Variants in SLC2A12 observed in about 807,000 individuals in gnomAD.
The protein encoded by SLC2A12 is solute carrier family 2 member 12, also known as solute carrier family 2, facilitated glucose transporter member 12.
Under a neutral mutation model 41.8 loss-of-function variants are expected in SLC2A12, and 23 were observed. The observed-to-expected ratio is 0.55, with a 90% confidence interval of 0.40 to 0.78. The LOEUF (loss-of-function observed/expected upper bound fraction) is 0.78. SLC2A12 is among the 30% of genes least tolerant of loss of function. SLC2A12 has a pLI of 0.00. For synonymous variants in SLC2A12, 295 were observed against 285.9 expected (o/e 1.03, Z -0.32); for missense variants, 654 against 745.6 (o/e 0.88, Z 1.43).
intron 1 of SLC2A12, among the ~76,000 whole-genome samples, chr6:134,043,074 C>T (rs1219633266): frequency 6.6e-6 from 1 of 152,042 alleles, no homozygotes; most frequent in Non-Finnish European, 1.5e-5. Context: ...CAGGATGGGC[C>T]TACCTAATAT....
Position 134,006,936 on chromosome 6 carries a change from T to C in SLC2A12, c.1445-2A>G, listed in dbSNP as rs368766723. The C allele has an allele frequency of 1.2e-6, 2 of 1,613,802 alleles. No homozygotes were observed. The highest frequency in any genetic ancestry group is 2.7e-5 in the African/African-American group (2 of 74,916). On this transcript the variant is annotated splice_acceptor_variant, in intron 2 of 4. Transcript: ENST00000275230. LOFTEE classifies it high-confidence loss of function. ...TCTCGCTGAGCACCAGCCAGGGCACTAGAAGAAAGGCAAGAGTGGGTGGCG... is the reference window on the plus strand; with the variant it reads ...TCTCGCTGAGCACCAGCCAGGGCACCAGAAGAAAGGCAAGAGTGGGTGGCG...
chr6:134,022,551 AAG>A (rs980091010), intron 2 of SLC2A12, among the ~76,000 whole-genome samples: 31 of 52,906 alleles, frequency 5.9e-4, no homozygotes, highest in Non-Finnish European at 9.4e-4. Context: ...AAGAAAAGAA[AAG>A]AAAAGAAAAG....
intron 1 of SLC2A12, among the ~76,000 whole-genome samples, chr6:134,037,536 G>C (rs894322225): frequency 6.6e-6 from 1 of 151,910 alleles, no homozygotes; most frequent in African/African-American, 2.4e-5. Flanking sequence ...TGTATTTTTA[G>C]TAGAGACGGG....
chr6:134,012,790 A>C (rs1776904983), intron 2 of SLC2A12, among the ~76,000 whole-genome samples: 1 of 152,092 alleles, frequency 6.6e-6, no homozygotes, highest in South Asian at 2.1e-4. Context: ...CAACATAACT[A>C]GGCTCTGTCT....
chr6:134,012,790 A>G (rs1776904983), intron 2 of SLC2A12, among the ~76,000 whole-genome samples: 2 of 152,092 alleles, frequency 1.3e-5, no homozygotes, highest in Non-Finnish European at 2.9e-5. Context: ...CAACATAACT[A>G]GGCTCTGTCT....
Position 133,990,644 on chromosome 6 carries a change from C to G in SLC2A12, c.*511G>C, listed in dbSNP as rs895222306. On this transcript the variant is annotated 3_prime_UTR_variant, in exon 5 of 5. Transcript: ENST00000275230. ...TACCACTAAAATCCTAGCCAGGACC[C>G]TCTCCTAATCTAGATAGAATATATG... The G allele has an allele frequency of 6.6e-6, 1 of 152,262 alleles. No individual in the cohort carries two copies. Among genetic ancestry groups the G allele is most frequent in the African/African-American group, 2.4e-5 (1 of 41,438 alleles). The allele number at this position is 152,262 out of a possible 1,614,324, so 9.4% of individuals were successfully genotyped here. A position where few individuals can be genotyped will look rare whatever the true frequency, so the allele number is the denominator to read the frequency against.
At chr6:134,038,882 T>G (rs1282645420) in intron 1 of SLC2A12, among the ~76,000 whole-genome samples, 1 of 151,706 alleles carries the variant, frequency 6.6e-6, no homozygotes, top group Non-Finnish European at 1.5e-5. Context: ...TTTTTATACT[T>G]TTAGTAGAGA....
At chr6:134,024,866 T>G (rs998535028) in intron 2 of SLC2A12, among the ~76,000 whole-genome samples, 2 of 152,230 alleles carry the variant, frequency 1.3e-5, no homozygotes, top group Non-Finnish European at 2.9e-5. Context: ...AGAAAGAAAC[T>G]TCTAATTTGT....
At chr6:134,035,733 C>G (rs1490021012) in intron 1 of SLC2A12, among the ~76,000 whole-genome samples, 1 of 152,208 alleles carries the variant, frequency 6.6e-6, no homozygotes, top group Non-Finnish European at 1.5e-5. Flanking sequence ...CTCCACACTG[C>G]GTTGCTAGAA....
chr6:134,050,921 TTTATTA>T lies in SLC2A12; in HGVS notation c.103+1451_103+1456del, dbSNP rs368163308. 8.2e-4 allele frequency among the ~76,000 whole-genome samples: 124 copies of T among 151,602 alleles called. 5 individuals carry two copies. The South Asian group carries it at 0.025, about 31-fold the overall frequency. ...ATTGAAAGATGACCCCAGATATTCT[TTTATTA>T]TTATTATTATTATTATGTTAGACAG... is the stretch of plus-strand genomic sequence containing the variant. On this transcript the variant is annotated intron_variant, in intron 1 of 4. Transcript: ENST00000275230.
At position 134,022,141 on chromosome 6, in the gene SLC2A12, C is replaced by G. The variant is rs116619180; in HGVS notation, c.1444+6240G>C. Among the ~76,000 whole-genome samples the G allele has an allele frequency of 3.2e-3, 480 of 151,918 alleles. 3 individuals carry two copies. The highest frequency in any genetic ancestry group is 0.011 in the African/African-American group (461 of 41,428). ...TCTTGAAAAACCAGAGGTTTTGCCT[C>G]AAACATAGGTGATATAGAAGCAGAA... On this transcript the variant is annotated intron_variant, in intron 2 of 4. Transcript: ENST00000275230.
chr6:134,020,115 G>A (rs1310336013), intron 2 of SLC2A12, among the ~76,000 whole-genome samples: 2 of 152,070 alleles, frequency 1.3e-5, no homozygotes. Context: ...ACAGTTAGGG[G>A]AACAGGGGAC....
At chr6:133,993,711 A>T (rs1388808102) in intron 4 of SLC2A12, among the ~76,000 whole-genome samples, 1 of 152,220 alleles carries the variant, frequency 6.6e-6, no homozygotes, top group Non-Finnish European at 1.5e-5. Flanking sequence ...GGGATTTGAA[A>T]TAGAGGGACA....
chr6:134,037,442 C>A (rs1239685440), intron 1 of SLC2A12, among the ~76,000 whole-genome samples: 1 of 152,030 alleles, frequency 6.6e-6, no homozygotes, highest in Non-Finnish European at 1.5e-5. Flanking sequence ...TCACTCTCCA[C>A]CTCCCAGGTT....
intron 1 of SLC2A12, among the ~76,000 whole-genome samples, chr6:134,048,630 T>A (rs1411545101): frequency 6.6e-6 from 1 of 152,210 alleles, no homozygotes; most frequent in Non-Finnish European, 1.5e-5. Flanking sequence ...CGTATCACAG[T>A]AGACACAATC....
chr6:133,990,091 G>A lies in SLC2A12; in HGVS notation c.*1064C>T, dbSNP rs774246929. 6.6e-6 allele frequency: 1 copy of A among 152,670 alleles called. No homozygotes were observed. The highest frequency in any genetic ancestry group is 1.5e-5 in the Non-Finnish European group (1 of 68,042). The allele number at this position is 152,670 out of a possible 1,614,324, so 9.5% of individuals were successfully genotyped here. Reference sequence around the variant, plus strand: ...TCATCGTTGTGTGGGTGAAACCCACGTTGCTGGTACAGGTGGCCATCATAG... The same window carrying A: ...TCATCGTTGTGTGGGTGAAACCCACATTGCTGGTACAGGTGGCCATCATAG... On this transcript the variant is annotated 3_prime_UTR_variant, in exon 5 of 5. Coordinates refer to ENST00000275230, the MANE Select transcript of SLC2A12 (RefSeq NM_145176.3).
chr6:134,006,032 T>A (rs1776808791), intron 3 of SLC2A12, among the ~76,000 whole-genome samples: 1 of 151,322 alleles, frequency 6.6e-6, no homozygotes, highest in Non-Finnish European at 1.5e-5. Context: ...ATTAGCTGGG[T>A]GTGATGCTGT....
intron 4 of SLC2A12, among the ~76,000 whole-genome samples, chr6:133,993,530 T>G (rs754340139): frequency 1.3e-5 from 2 of 152,240 alleles, no homozygotes; most frequent in Non-Finnish European, 2.9e-5. Context: ...TTCGATTATA[T>G]GCCAAGGAAT....
At chr6:133,993,308 G>A (rs1776647418) in intron 4 of SLC2A12, among the ~76,000 whole-genome samples, 1 of 152,110 alleles carries the variant, frequency 6.6e-6, no homozygotes, top group African/African-American at 2.4e-5. Context: ...TACTACTAAT[G>A]TGTCTATTTG....
Sources: allele counts gnomAD v4.1 joint callset (sites outside exome capture counted in the v4.1 genomes callset), GRCh38; gene constraint gnomAD v4.1.1; transcripts MANE v1.5; gene names NCBI Gene and HGNC (gene_info 2026-07-23, HGNC 2026-07-21).